Variants in ZFAND6 observed in about 807,000 individuals in gnomAD.
ZFAND6 encodes zinc finger AN1-type containing 6.
A neutral mutation model predicts 24.5 loss-of-function variants in ZFAND6; 12 were observed. That is an observed-to-expected ratio of 0.49 (90% CI 0.31 to 0.79). The LOEUF (loss-of-function observed/expected upper bound fraction) is 0.79. Ranked by LOEUF, ZFAND6 falls within the 30% of genes least tolerant of loss-of-function variation. ZFAND6 has a pLI of 0.04. For missense variants in ZFAND6, 207 were observed against 245.9 expected (o/e 0.84, Z 1.06); for synonymous variants, 92 against 81.5 (o/e 1.13, Z -0.69).
Position 80,131,200 on chromosome 15 carries a change from CAGCAGCCATCTGAAG to C in ZFAND6, c.390_404del (p.Pro131_Gln135del). 1 of 1,608,066 alleles carries C rather than the reference CAGCAGCCATCTGAAG, an allele frequency of 6.2e-7. No individual in the cohort carries two copies. Among genetic ancestry groups the C allele is most frequent in the Non-Finnish European group, 8.5e-7 (1 of 1,176,992 alleles). ...GTTAGCTTCAGTATCAGACACAGCACAGCAGCCATCTGAAGAGCAAAGCAAGTCTCTTGAAAAACC... is the reference window on the plus strand; with the variant it reads ...GTTAGCTTCAGTATCAGACACAGCACAGCAAAGCAAGTCTCTTGAAAAACC... On this transcript the variant is annotated inframe_deletion, in exon 6 of 7. Coordinates refer to ENST00000261749, the MANE Select transcript of ZFAND6 (RefSeq NM_019006.4).
At chr15:80,089,071 C>T (rs953728825) in intron 1 of ZFAND6, among the ~76,000 whole-genome samples, 21 of 151,846 alleles carry the variant, frequency 1.4e-4, no homozygotes, top group Admixed American at 9.2e-4. Context: ...TTGTTTCGGG[C>T]CCTTTTCACT....
intron 1 of ZFAND6, among the ~76,000 whole-genome samples, chr15:80,076,803 C>T (rs2037310117): frequency 6.6e-6 from 1 of 152,078 alleles, no homozygotes; most frequent in Non-Finnish European, 1.5e-5. Flanking sequence ...TCCCTCACAT[C>T]ATTCCACTTC....
intron 4 of ZFAND6, among the ~76,000 whole-genome samples, chr15:80,122,088 G>A (rs2040172216): frequency 6.6e-6 from 1 of 151,972 alleles, no homozygotes. Flanking sequence ...TCCTTTGGAA[G>A]CATGTTAAGT....
chr15:80,064,786 G>A (rs898606495), intron 1 of ZFAND6, among the ~76,000 whole-genome samples: 16 of 151,978 alleles, frequency 1.1e-4, no homozygotes, highest in Non-Finnish European at 1.6e-4. Context: ...GATTACAGGC[G>A]TTCCCCACCA....
intron 5 of ZFAND6, 151 bp downstream of exon 5, chr15:80,122,951 T>A: frequency 2.0e-6 from 1 of 499,980 alleles, no homozygotes; most frequent in Non-Finnish European, 3.5e-6. Flanking sequence ...AGTATTTAAT[T>A]AACATGTTGG....
At chr15:80,110,274 A>T (rs11631583) in intron 2 of ZFAND6, among the ~76,000 whole-genome samples, 105,965 of 152,012 alleles carry the variant, frequency 0.7, 37,426 homozygotes, top group Admixed American at 0.8. Flanking sequence ...CAGACCACCT[A>T]GGAGGCTGGA....
Position 80,131,232 on chromosome 15 carries a change from T to C in ZFAND6, c.417T>C (p.Leu139=). The C allele has an allele frequency of 6.2e-7, 1 of 1,612,846 alleles. No homozygotes were observed. Among genetic ancestry groups the C allele is most frequent in the Non-Finnish European group, 8.5e-7 (1 of 1,179,408 alleles). ...CATCTGAAGAGCAAAGCAAGTCTCT[T>C]GAAAAACCGAAACAAAAAAAGAATC... ...QQPSEEQSKS[L]EKPKQKKNRC... is the part of the protein sequence containing the mutation. The change falls in exon 6 of 7, where the codon CTT becomes CTC. Residue 139 remains leucine, a synonymous_variant. Coordinates refer to ENST00000261749, the MANE Select transcript of ZFAND6 (RefSeq NM_019006.4).
intron 1 of ZFAND6, among the ~76,000 whole-genome samples, chr15:80,097,075 C>T (rs1373494615): frequency 6.6e-6 from 1 of 150,956 alleles, no homozygotes; most frequent in Non-Finnish European, 1.5e-5. Flanking sequence ...TCTCAGCACA[C>T]TGCAACCTCC....
At chr15:80,129,512 A>G (rs946195625) in intron 5 of ZFAND6, 1 of 152,236 alleles carries the variant, frequency 6.6e-6, no homozygotes, top group African/African-American at 2.4e-5. Flanking sequence ...GAATAAGGTA[A>G]CCATCCTTCT....
chr15:80,059,398 G>A (rs377216577), upstream of ZFAND6, among the ~76,000 whole-genome samples: 4 of 152,230 alleles, frequency 2.6e-5, no homozygotes, highest in African/African-American at 9.6e-5. Context: ...GGCGGGAAGC[G>A]CCCCAGAGAG....
At chr15:80,131,380 T>C in intron 6 of ZFAND6, 87 bp downstream of exon 6, 1 of 1,145,406 alleles carries the variant, frequency 8.7e-7, no homozygotes, top group Non-Finnish European at 1.3e-6. Context: ...TTAAGATTGT[T>C]CCTGTTCCCT....
At chr15:80,065,875 C>A (rs552866011) in intron 1 of ZFAND6, among the ~76,000 whole-genome samples, 144 of 151,986 alleles carry the variant, frequency 9.5e-4, no homozygotes, top group African/African-American at 3.3e-3. Context: ...AAAAAAATTG[C>A]AACTTTTATA....
chr15:80,063,877 C>A (rs535348097), intron 1 of ZFAND6, among the ~76,000 whole-genome samples: 2 of 151,928 alleles, frequency 1.3e-5, no homozygotes, highest in Admixed American at 1.3e-4. Context: ...TAGTAGAGAC[C>A]GCGTTTCACC....
intron 1 of ZFAND6, among the ~76,000 whole-genome samples, chr15:80,088,210 C>T (rs2038121762): frequency 6.6e-6 from 1 of 152,016 alleles, no homozygotes; most frequent in Non-Finnish European, 1.5e-5. Flanking sequence ...TTGGACTTGT[C>T]CATCCTTTTT....
At chr15:80,121,912 T>A (rs2040164627) in intron 4 of ZFAND6, 92 bp downstream of exon 4, 11 of 1,072,066 alleles carry the variant, frequency 1.0e-5, no homozygotes, top group Admixed American at 8.9e-5. Context: ...TACGTAAAGC[T>A]ACTTTTAGAT....
intron 1 of ZFAND6, among the ~76,000 whole-genome samples, chr15:80,072,933 T>G (rs2141823535): frequency 6.6e-6 from 1 of 152,118 alleles, no homozygotes; most frequent in East Asian, 1.9e-4. Flanking sequence ...TTGAATTGGT[T>G]GTTTGAACAG....
rs149598690 is a variant in ZFAND6, at chr15:80,081,191, A to G, written c.-180-17225A>G. On this transcript the variant is annotated intron_variant, in intron 1 of 6. Transcript: ENST00000261749. ...TGAAAACCTACACTGAAAAGGTGACATTGATTGCCTAAAATAATTGTTTCA... is the reference window on the plus strand; with the variant it reads ...TGAAAACCTACACTGAAAAGGTGACGTTGATTGCCTAAAATAATTGTTTCA... Among the ~76,000 whole-genome samples, 1,013 of 152,370 alleles carry G rather than the reference A, an allele frequency of 6.6e-3. 10 individuals carry two copies. Among genetic ancestry groups the G allele is most frequent in the African/African-American group, 0.021 (855 of 41,588 alleles).
At chr15:80,124,071 G>A (rs756748385) in intron 5 of ZFAND6, among the ~76,000 whole-genome samples, 11 of 152,124 alleles carry the variant, frequency 7.2e-5, no homozygotes, top group Non-Finnish European at 1.5e-4. Flanking sequence ...AATGTTTTAA[G>A]TGAATAATTC....
chr15:80,130,336 G>A (rs570199506), intron 5 of ZFAND6: 4 of 152,212 alleles, frequency 2.6e-5, no homozygotes, highest in Non-Finnish European at 5.9e-5. Flanking sequence ...GTGAGCAAAG[G>A]TACATGGCAT....
Sources: allele counts gnomAD v4.1 joint callset (sites outside exome capture counted in the v4.1 genomes callset), GRCh38; gene constraint gnomAD v4.1.1; transcripts MANE v1.5; gene names NCBI Gene and HGNC (gene_info 2026-07-23, HGNC 2026-07-21).